STK33: variants seen among roughly 807,000 people sequenced by gnomAD.
STK33 encodes the protein serine/threonine-protein kinase 33.
Under a neutral mutation model 58.0 loss-of-function variants are expected in STK33, and 52 were observed. That is an observed-to-expected ratio of 0.90 (90% CI 0.72 to 1.13). STK33 has a LOEUF of 1.13. STK33 is among the 50% of genes most tolerant of loss of function. The pLI is 0.00. For missense variants in STK33, 630 were observed against 604.2 expected (o/e 1.04, Z -0.45); for synonymous variants, 215 against 200.1 (o/e 1.07, Z -0.63).
intron 1 of STK33, among the ~76,000 whole-genome samples, chr11:8,550,634 G>A (rs750183913): frequency 6.6e-6 from 1 of 152,114 alleles, no homozygotes; most frequent in Non-Finnish European, 1.5e-5. Context: ...TCTAGGGCAG[G>A]TGAAAAATGC....
At chr11:8,444,713 A>C (rs1219538689) in intron 11 of STK33, among the ~76,000 whole-genome samples, 2 of 152,192 alleles carry the variant, frequency 1.3e-5, no homozygotes, top group Non-Finnish European at 2.9e-5. Flanking sequence ...TTCTAGAAAA[A>C]CATAAATTAT....
At chr11:8,478,747 G>GAA (rs567595541) in intron 2 of STK33, among the ~76,000 whole-genome samples, 4 of 141,440 alleles carry the variant, frequency 2.8e-5, no homozygotes, top group Admixed American at 1.4e-4. Flanking sequence ...AAGTAAAGGG[G>GAA]AAAAAAAAAA....
At chr11:8,374,928 G>A in the STK33 span, among the ~76,000 whole-genome samples, 7 of 152,110 alleles carry the variant, frequency 4.6e-5, no homozygotes, top group Admixed American at 3.9e-4. Flanking sequence ...CTCCTAGCCC[G>A]AGGACCCACC....
intron 1 of STK33, among the ~76,000 whole-genome samples, chr11:8,516,217 A>C (rs1952767155): frequency 1.3e-5 from 2 of 152,230 alleles, no homozygotes; most frequent in South Asian, 4.1e-4. Flanking sequence ...CATATTGACT[A>C]ATGGAACAGA....
intron 1 of STK33, among the ~76,000 whole-genome samples, chr11:8,550,281 AT>A (rs1035772995): frequency 6.6e-5 from 10 of 151,996 alleles, no homozygotes; most frequent in Middle Eastern, 3.4e-3. Context: ...ATCTTTTGTA[AT>A]TTTTTTTAGT....
chr11:8,541,797 G>A lies in STK33; in HGVS notation c.-466+52286C>T, dbSNP rs192847301. On this transcript the variant is annotated intron_variant, in intron 1 of 15. Transcript: ENST00000687296. ...AAATATCTGAAAAATTAAGGTCACA[G>A]TGTTAGAGAGTCTAATGGAGTATGG... is the stretch of plus-strand genomic sequence containing the variant. Among the ~76,000 whole-genome samples the A allele has an allele frequency of 6.1e-3, 936 of 152,260 alleles. 8 individuals are homozygous for A. The highest frequency in any genetic ancestry group is 0.021 in the African/African-American group (874 of 41,562).
intron 1 of STK33, among the ~76,000 whole-genome samples, chr11:8,569,828 A>G (rs1957681502): frequency 6.6e-6 from 1 of 151,632 alleles, no homozygotes; most frequent in African/African-American, 2.4e-5. Flanking sequence ...ATGGTGGCAC[A>G]CTCCTGTGGT....
chr11:8,563,650 G>A (rs1216128351), intron 1 of STK33, among the ~76,000 whole-genome samples: 1 of 152,058 alleles, frequency 6.6e-6, no homozygotes, highest in East Asian at 1.9e-4. Context: ...CTAACCCTTT[G>A]GAACCCCCAG....
At chr11:8,344,870 C>G in the STK33 span, among the ~76,000 whole-genome samples, 2 of 152,234 alleles carry the variant, frequency 1.3e-5, no homozygotes. Flanking sequence ...GGTGCAGACC[C>G]TGCCAGGCAC....
At chr11:8,562,488 C>T (rs1957178792) in intron 1 of STK33, among the ~76,000 whole-genome samples, 1 of 141,884 alleles carries the variant, frequency 7.0e-6, no homozygotes, top group Admixed American at 7.2e-5. Context: ...GTGAAATCTG[C>T]ACTCTGTTTA....
At chr11:8,407,254 T>C (rs1939393690) in intron 15 of STK33, among the ~76,000 whole-genome samples, 1 of 152,104 alleles carries the variant, frequency 6.6e-6, no homozygotes, top group South Asian at 2.1e-4. Context: ...TTTGCTAATA[T>C]CATTTGAAAT....
chr11:8,576,880 A>G (rs748023146), intron 1 of STK33, among the ~76,000 whole-genome samples: 1 of 152,210 alleles, frequency 6.6e-6, no homozygotes, highest in Non-Finnish European at 1.5e-5. Flanking sequence ...ATCAATTCAC[A>G]AAAGACTACT....
chr11:8,362,901 T>TCC, the STK33 span, among the ~76,000 whole-genome samples: 1 of 49,058 alleles, frequency 2.0e-5, no homozygotes, highest in Non-Finnish European at 5.3e-5. Flanking sequence ...TTCCTCTCTC[T>TCC]CTCCCTTCCT....
chr11:8,433,923 G>A (rs959456264), intron 14 of STK33: 1 of 152,374 alleles, frequency 6.6e-6, no homozygotes, highest in Non-Finnish European at 1.5e-5. Flanking sequence ...TAGTCAGAGT[G>A]ATCTTTTAAG....
At chr11:8,525,757 G>C (rs766771117) in intron 1 of STK33, among the ~76,000 whole-genome samples, 24 of 152,156 alleles carry the variant, frequency 1.6e-4, no homozygotes, top group Non-Finnish European at 3.1e-4. Context: ...ACCATTAAGA[G>C]AGTGAAAGGA....
chr11:8,368,984 C>G, the STK33 span, among the ~76,000 whole-genome samples: 3 of 152,126 alleles, frequency 2.0e-5, no homozygotes, highest in African/African-American at 7.2e-5. Context: ...CGTCTGCGTC[C>G]ATCTGTATGG....
chr11:8,588,478 T>G (rs2032078980), intron 1 of STK33, among the ~76,000 whole-genome samples: 3 of 152,122 alleles, frequency 2.0e-5, no homozygotes, highest in Non-Finnish European at 4.4e-5. Context: ...TAGCTACACA[T>G]AAAAGAATGA....
At chr11:8,378,299 A>C in the STK33 span, among the ~76,000 whole-genome samples, 1 of 152,212 alleles carries the variant, frequency 6.6e-6, no homozygotes, top group African/African-American at 2.4e-5. Flanking sequence ...TGGGTGGATC[A>C]CCTGAAGTCG....
At chr11:8,459,559 A>G (rs527836168) in intron 8 of STK33, among the ~76,000 whole-genome samples, 1 of 152,152 alleles carries the variant, frequency 6.6e-6, no homozygotes, top group East Asian at 1.9e-4. Flanking sequence ...GACATTAAAC[A>G]TCAGCCAGCA....
Sources: allele counts gnomAD v4.1 joint callset (sites outside exome capture counted in the v4.1 genomes callset), GRCh38; gene constraint gnomAD v4.1.1; transcripts MANE v1.5; gene names NCBI Gene and HGNC (gene_info 2026-07-23, HGNC 2026-07-21).